The following CRKL variants were observed in gnomAD, a reference collection of about 807,000 sequenced individuals.
CRKL encodes crk-like protein.
In CRKL, 3 loss-of-function variants were observed where a neutral mutation model predicts 23.0. That is an observed-to-expected ratio of 0.13 (90% CI 0.06 to 0.34). The LOEUF (loss-of-function observed/expected upper bound fraction) is 0.34. CRKL is among the 10% of genes least tolerant of loss of function. CRKL has a pLI of 1.00. For synonymous variants in CRKL, 188 were observed against 160.7 expected (o/e 1.17, Z -1.28); for missense variants, 256 against 394.5 (o/e 0.65, Z 2.97).
chr22:20,925,524 A>C (rs1921169052), intron 1 of CRKL, among the ~76,000 whole-genome samples: 1 of 152,242 alleles, frequency 6.6e-6, no homozygotes, highest in Non-Finnish European at 1.5e-5. Context: ...CGGAAAACAA[A>C]AAACAAACAA....
chr22:20,927,841 T>TAAAA (rs1921283608), intron 1 of CRKL, among the ~76,000 whole-genome samples: 1 of 45,736 alleles, frequency 2.2e-5, no homozygotes, highest in Non-Finnish European at 3.3e-5. Context: ...AGACTCTGTC[T>TAAAA]CAAAAAAAAA....
In CRKL at chr22:20,934,051, C is replaced by G; in HGVS notation, c.584C>G (p.Ser195Cys). 6.2e-7 allele frequency: 1 copy of G among 1,614,160 alleles called. No homozygotes were observed. Among genetic ancestry groups the G allele is most frequent in the Non-Finnish European group, 8.5e-7 (1 of 1,180,034 alleles). ...SPHGKHGNRN[S>C]NSYGIPEPAH... ...CACGGAAAGCATGGAAATAGGAATT[C>G]CAACAGTTATGGGATCCCAGAACCT... is the stretch of plus-strand genomic sequence containing the variant. Residue 195 changes from serine (S) to cysteine (C), a missense_variant, in exon 2 of 3, where the codon TCC becomes TGC. Physicochemically the swap from Ser to Cys is moderately radical, Grantham distance 112 (BLOSUM62 -1). Transcript: ENST00000354336.
At chr22:20,944,117 A>G (rs1287113463) in intron 2 of CRKL, among the ~76,000 whole-genome samples, 1 of 146,734 alleles carries the variant, frequency 6.8e-6, no homozygotes, top group Non-Finnish European at 1.5e-5. Flanking sequence ...TTGTATTTGT[A>G]GATCACTTTG....
At chr22:20,919,381 CTT>C (rs1026271160) in intron 1 of CRKL, among the ~76,000 whole-genome samples, 4 of 152,150 alleles carry the variant, frequency 2.6e-5, no homozygotes, top group African/African-American at 7.2e-5. Flanking sequence ...TTGAATGACA[CTT>C]AGTTGTATCC....
At chr22:20,929,035 A>G (rs1921339948) in intron 1 of CRKL, among the ~76,000 whole-genome samples, 1 of 152,190 alleles carries the variant, frequency 6.6e-6, no homozygotes, top group Non-Finnish European at 1.5e-5. Flanking sequence ...AGAAAAGAAA[A>G]GTCAGTTACG....
At chr22:20,923,811 C>T (rs1601673577) in intron 1 of CRKL, among the ~76,000 whole-genome samples, 1 of 151,466 alleles carries the variant, frequency 6.6e-6, no homozygotes, top group Non-Finnish European at 1.5e-5. Context: ...CTCTTGACCT[C>T]AGGGGATCTG....
intron 2 of CRKL, among the ~76,000 whole-genome samples, chr22:20,936,865 CT>C (rs111769747): frequency 3.8e-4 from 54 of 143,218 alleles, no homozygotes; most frequent in East Asian, 8.2e-4. Context: ...GCTTTCTTTC[CT>C]TTTTTTTTTT....
At chr22:20,948,244 C>T (rs1031764622) in intron 2 of CRKL, among the ~76,000 whole-genome samples, 1 of 152,054 alleles carries the variant, frequency 6.6e-6, no homozygotes, top group Non-Finnish European at 1.5e-5. Flanking sequence ...TTAATCTTCC[C>T]GTAGTCTTCT....
At chr22:20,944,531 A>C (rs770017089) in intron 2 of CRKL, among the ~76,000 whole-genome samples, 4 of 152,026 alleles carry the variant, frequency 2.6e-5, no homozygotes, top group Non-Finnish European at 5.9e-5. Flanking sequence ...CAGCCTCCCA[A>C]GTAGCTGGGA....
In CRKL at chr22:20,918,156, G is replaced by A. The variant is rs2147891889; in HGVS notation, c.222G>A (p.Gly74=). The A allele has an allele frequency of 1.2e-6, 2 of 1,614,120 alleles. No individual in the cohort carries two copies. The highest frequency in any genetic ancestry group is 1.7e-6 in the Non-Finnish European group (2 of 1,180,030). ...TGCCCAACCGCCGTTTTAAGATCGGGGACCAGGAATTTGACCATTTGCCGG... is the reference window on the plus strand; with the variant it reads ...TGCCCAACCGCCGTTTTAAGATCGGAGACCAGGAATTTGACCATTTGCCGG... The part of the protein sequence containing the change: ...NSLPNRRFKI[G]DQEFDHLPAL... The change falls in exon 1 of 3, where the codon GGG becomes GGA. Residue 74 remains glycine, a synonymous_variant. Coordinates refer to ENST00000354336, the MANE Select transcript of CRKL (RefSeq NM_005207.4).
At chr22:20,936,348 T>C (rs1271243842) in intron 2 of CRKL, among the ~76,000 whole-genome samples, 1 of 152,062 alleles carries the variant, frequency 6.6e-6, no homozygotes, top group Non-Finnish European at 1.5e-5. Flanking sequence ...TGTTTTTGTT[T>C]TTGTTTTGTT....
chr22:20,953,363 C>T lies in CRKL; in HGVS notation c.*3518C>T, dbSNP rs569765648. Reference sequence around the variant, plus strand: ...GAAGGACAGGTCTCTGAGACAGGATCGTTGTCCCTACAGGAGGAACAGTGG... The same window carrying T: ...GAAGGACAGGTCTCTGAGACAGGATTGTTGTCCCTACAGGAGGAACAGTGG... On this transcript the variant is annotated 3_prime_UTR_variant, in exon 3 of 3. Coordinates refer to ENST00000354336, the MANE Select transcript of CRKL (RefSeq NM_005207.4). 3 of 230,904 alleles carry T rather than the reference C, an allele frequency of 1.3e-5. No individual in the cohort carries two copies. In the South Asian group the frequency reaches 5.5e-4, roughly 42 times the overall value. 14.3% of individuals were successfully genotyped at this position (230,904 alleles called of 1,614,324 possible). A position where few individuals can be genotyped will look rare whatever the true frequency, so the allele number is the denominator to read the frequency against.
intron 2 of CRKL, among the ~76,000 whole-genome samples, chr22:20,949,112 G>C (rs1922174299): frequency 6.6e-6 from 1 of 151,610 alleles, no homozygotes; most frequent in Admixed American, 6.6e-5. Context: ...AGCTGTTTCT[G>C]TGTGTGTGTG....
Position 20,925,569 on chromosome 22 carries a change from A to G in CRKL, c.311+7324A>G, listed in dbSNP as rs117292351. Among the ~76,000 whole-genome samples, 903 of 152,352 alleles carry G rather than the reference A, an allele frequency of 5.9e-3. 8 individuals carry two copies. The highest frequency in any genetic ancestry group is 0.055 in the East Asian group (284 of 5,186). ...ATTATTTTAATTCTTTCAGATAAGTAAAAGGGGGCACAGCCTATTAGTTGG... is the reference window on the plus strand; with the variant it reads ...ATTATTTTAATTCTTTCAGATAAGTGAAAGGGGGCACAGCCTATTAGTTGG... On this transcript the variant is annotated intron_variant, in intron 1 of 2. Transcript: ENST00000354336.
Position 20,934,232 on chromosome 22 carries a change from C to T in CRKL, c.765C>T (p.Ala255=), listed in dbSNP as rs2147906117. Residue 255 remains alanine (A), a synonymous_variant, in exon 2 of 3, where the codon GCC becomes GCT. Transcript: ENST00000354336. ...TACCCTGTGCTTATGACAAGACTGC[C>T]TTGGCATTAGAGGTAAAATCTGTTC... The part of the protein sequence containing the change: ...KRVPCAYDKT[A]LALEVGDIVK... 1.2e-6 allele frequency: 2 copies of T among 1,612,400 alleles called. No homozygotes were observed. The highest frequency in any genetic ancestry group is 1.7e-6 in the Non-Finnish European group (2 of 1,178,634).
chr22:20,922,873 A>G (rs1265116482), intron 1 of CRKL, among the ~76,000 whole-genome samples: 3 of 152,070 alleles, frequency 2.0e-5, no homozygotes, highest in South Asian at 2.1e-4. Context: ...GGGTTTCACC[A>G]TGTTGGCCAG....
chr22:20,928,812 C>CAAA (rs57896414), intron 1 of CRKL, among the ~76,000 whole-genome samples: 21 of 81,556 alleles, frequency 2.6e-4, no homozygotes, highest in African/African-American at 8.2e-4. Flanking sequence ...GATCCCATCT[C>CAAA]AAAAAAAAAA....
At position 20,948,722 on chromosome 22, in the gene CRKL, A is replaced by G. The variant is rs934936443; in HGVS notation, c.778-989A>G. 1.7e-4 allele frequency among the ~76,000 whole-genome samples: 26 copies of G among 152,048 alleles called. No homozygotes were observed. The South Asian group carries it at 5.4e-3, about 32-fold the overall frequency. On this transcript the variant is annotated intron_variant, in intron 2 of 2. Coordinates refer to ENST00000354336, the MANE Select transcript of CRKL (RefSeq NM_005207.4). ...GCTGCGTTGCGCCGGCTGGTCTCAA[A>G]CTCCTGGGCTCAAGCAGTCCTCCCA...
intron 2 of CRKL, among the ~76,000 whole-genome samples, chr22:20,938,831 C>G (rs2147909724): frequency 6.6e-6 from 1 of 152,254 alleles, no homozygotes; most frequent in Admixed American, 6.5e-5. Flanking sequence ...AATGCAGCCT[C>G]ACCTGTGCTT....
Sources: gnomAD v4.1 joint callset for allele counts (sites outside exome capture counted in the v4.1 genomes callset) on GRCh38, gnomAD v4.1.1 for gene constraint, MANE v1.5 for transcripts, NCBI Gene and HGNC (gene_info 2026-07-23, HGNC 2026-07-21) for gene names.